The following ZMAT4 variants were observed in gnomAD, a reference collection of about 807,000 sequenced individuals.
The protein encoded by ZMAT4 is zinc finger matrin-type protein 4.
A neutral mutation model predicts 28.7 loss-of-function variants in ZMAT4; 17 were observed. That is an observed-to-expected ratio of 0.59 (90% CI 0.41 to 0.89). The LOEUF (loss-of-function observed/expected upper bound fraction) is 0.89. Among genes scored for constraint, ZMAT4 ranks in the 40% least tolerant of loss-of-function variants. The pLI is 0.00. For synonymous variants in ZMAT4, 117 were observed against 109.2 expected (o/e 1.07, Z -0.44); for missense variants, 240 against 283.8 (o/e 0.85, Z 1.11).
At chr8:40,762,748 A>G (rs1339878586) in intron 3 of ZMAT4, among the ~76,000 whole-genome samples, 1 of 152,190 alleles carries the variant, frequency 6.6e-6, no homozygotes, top group East Asian at 1.9e-4. Context: ...TCTATGAGAT[A>G]GGCAAGGAAG....
At chr8:40,750,395 A>G (rs1309855728) in intron 3 of ZMAT4, among the ~76,000 whole-genome samples, 3 of 152,154 alleles carry the variant, frequency 2.0e-5, no homozygotes, top group Non-Finnish European at 4.4e-5. Flanking sequence ...AGCAAGCGTG[A>G]TTTATGAGAG....
At chr8:40,670,099 C>T (rs183490112) in intron 5 of ZMAT4, among the ~76,000 whole-genome samples, 5 of 152,176 alleles carry the variant, frequency 3.3e-5, no homozygotes, top group Admixed American at 6.5e-5. Context: ...CAAATAATCT[C>T]GAGAAAGAAG....
intron 4 of ZMAT4, among the ~76,000 whole-genome samples, chr8:40,688,711 A>G (rs1563412635): frequency 6.6e-6 from 1 of 152,158 alleles, no homozygotes; most frequent in Admixed American, 6.5e-5. Context: ...TAAATTTCAT[A>G]TTTCTGTTTT....
At chr8:40,854,327 T>G (rs1817220082) in intron 1 of ZMAT4, among the ~76,000 whole-genome samples, 1 of 152,228 alleles carries the variant, frequency 6.6e-6, no homozygotes, top group Non-Finnish European at 1.5e-5. Flanking sequence ...ACTGACTTTA[T>G]GTAGACACAA....
chr8:40,886,883 G>A (rs1563267093), intron 1 of ZMAT4, among the ~76,000 whole-genome samples: 2 of 151,974 alleles, frequency 1.3e-5, no homozygotes, highest in South Asian at 4.1e-4. Context: ...AAAAAGCCCA[G>A]TTTTGAGGTA....
intron 3 of ZMAT4, among the ~76,000 whole-genome samples, chr8:40,747,190 C>T (rs1381987860): frequency 2.6e-5 from 4 of 152,212 alleles, no homozygotes; most frequent in Non-Finnish European, 4.4e-5. Context: ...CAACAATCCA[C>T]TGATCCGTTT....
chr8:40,708,623 G>T (rs1411471598), intron 3 of ZMAT4, among the ~76,000 whole-genome samples: 2 of 124,520 alleles, frequency 1.6e-5, no homozygotes, highest in Admixed American at 1.7e-4. Context: ...AAGAAGCTCT[G>T]TTAAGTTAGG....
rs866641889 is a variant in ZMAT4, at chr8:40,738,924, C to T, written c.192+28717G>A. Among the ~76,000 whole-genome samples, 30 of 152,228 alleles carry T rather than the reference C, an allele frequency of 2.0e-4. No individual in the cohort carries two copies. The Middle Eastern group carries it at 0.014, about 69-fold the overall frequency. On this transcript the variant is annotated intron_variant, in intron 3 of 6. Transcript: ENST00000297737. Reference sequence around the variant, plus strand: ...CGTATCGTGTGTCAACTTCATTAATCGTGAAATTTAGTGCTCATAAAAGTT... The same window carrying T: ...CGTATCGTGTGTCAACTTCATTAATTGTGAAATTTAGTGCTCATAAAAGTT...
chr8:40,861,235 A>G (rs112949842), intron 1 of ZMAT4, among the ~76,000 whole-genome samples: 34 of 152,332 alleles, frequency 2.2e-4, no homozygotes, highest in African/African-American at 7.5e-4. Context: ...TAGATGAATC[A>G]TGACTGAGAA....
chr8:40,659,692 G>A lies in ZMAT4; in HGVS notation c.577+15012C>T, dbSNP rs758361504. 5.7e-4 allele frequency among the ~76,000 whole-genome samples: 87 copies of A among 152,090 alleles called. 2 individuals are homozygous for A. The highest frequency in any genetic ancestry group is 5.7e-3 in the Admixed American group (87 of 15,252). On this transcript the variant is annotated intron_variant, in intron 5 of 6. Transcript: ENST00000297737. ...CTCTGTGGTACAGACTGACCTAGAA[G>A]GAAACTAGATGGACTACAATGCTAA...
At chr8:40,566,146 G>A (rs992771220) in intron 6 of ZMAT4, among the ~76,000 whole-genome samples, 1 of 152,086 alleles carries the variant, frequency 6.6e-6, no homozygotes, top group Non-Finnish European at 1.5e-5. Flanking sequence ...AAGTTCTGAT[G>A]TTCCTCCGCC....
At chr8:40,640,333 G>C (rs1236593673) in intron 5 of ZMAT4, among the ~76,000 whole-genome samples, 1 of 152,106 alleles carries the variant, frequency 6.6e-6, no homozygotes, top group Non-Finnish European at 1.5e-5. Flanking sequence ...AGGCTAGAAT[G>C]GTAGCTCAGC....
intron 5 of ZMAT4, among the ~76,000 whole-genome samples, chr8:40,611,626 C>T (rs1805800525): frequency 6.6e-6 from 1 of 152,188 alleles, no homozygotes; most frequent in African/African-American, 2.4e-5. Flanking sequence ...AGGCGTGAGC[C>T]ATCGCACCCA....
chr8:40,532,350 A>C, intron 6 of ZMAT4, 112 bp from the exon 7 acceptor site: 7 of 821,580 alleles, frequency 8.5e-6, no homozygotes, highest in Non-Finnish European at 1.2e-5. Flanking sequence ...TACCTTAACC[A>C]TCAAATTCAA....
chr8:40,694,388 T>G (rs1272426018), intron 4 of ZMAT4, among the ~76,000 whole-genome samples: 1 of 152,196 alleles, frequency 6.6e-6, no homozygotes, highest in Non-Finnish European at 1.5e-5. Flanking sequence ...TTTTGTTTTC[T>G]ACGCGTGGTC....
intron 2 of ZMAT4, among the ~76,000 whole-genome samples, chr8:40,816,233 G>A (rs897161096): frequency 2.6e-5 from 4 of 152,110 alleles, no homozygotes; most frequent in African/African-American, 9.7e-5. Context: ...AAAATGTCCT[G>A]TGCAGTCACC....
chr8:40,574,207 G>T (rs1477809108), intron 6 of ZMAT4, among the ~76,000 whole-genome samples: 3 of 152,120 alleles, frequency 2.0e-5, no homozygotes, highest in Non-Finnish European at 4.4e-5. Context: ...GCTTTGAAGA[G>T]TTAGTGTAGT....
At chr8:40,534,387 C>A (rs1474958878) in intron 6 of ZMAT4, among the ~76,000 whole-genome samples, 1 of 152,136 alleles carries the variant, frequency 6.6e-6, no homozygotes, top group Non-Finnish European at 1.5e-5. Flanking sequence ...GAAGAAAATT[C>A]TTTTTCATCT....
intron 1 of ZMAT4, among the ~76,000 whole-genome samples, chr8:40,865,758 C>T (rs1280778251): frequency 3.3e-5 from 5 of 152,214 alleles, no homozygotes; most frequent in Non-Finnish European, 5.9e-5. Context: ...TTTTAGACTC[C>T]GTCTTCTGCT....
Sources: gnomAD v4.1 joint callset for allele counts (sites outside exome capture counted in the v4.1 genomes callset) on GRCh38, gnomAD v4.1.1 for gene constraint, MANE v1.5 for transcripts, NCBI Gene and HGNC (gene_info 2026-07-23, HGNC 2026-07-21) for gene names.